The following OSBPL9 variants were observed in gnomAD, a reference collection of about 807,000 sequenced individuals.
OSBPL9 encodes oxysterol binding protein like 9, also known as oxysterol-binding protein-related protein 9.
Under a neutral mutation model 106.6 loss-of-function variants are expected in OSBPL9, and 40 were observed. That is an observed-to-expected ratio of 0.38 (90% CI 0.29 to 0.49). The LOEUF is 0.49. Among genes scored for constraint, OSBPL9 ranks in the 20% least tolerant of loss-of-function variants. The pLI, the probability that OSBPL9 is intolerant of heterozygous loss-of-function variation, is 0.97. For synonymous variants in OSBPL9, 269 were observed against 295.4 expected (o/e 0.91, Z 0.92); for missense variants, 609 against 887.2 (o/e 0.69, Z 3.98).
At chr1:51,595,205 G>C (rs1039548337) in intron 1 of OSBPL9, among the ~76,000 whole-genome samples, 1 of 152,158 alleles carries the variant, frequency 6.6e-6, no homozygotes, top group Non-Finnish European at 1.5e-5. Context: ...AGGTGTTAAG[G>C]GAGCGGCAGG....
chr1:51,746,614 G>A (rs1308412805), intron 5 of OSBPL9, 96 bp from the exon 6 acceptor site: 10 of 856,162 alleles, frequency 1.2e-5, no homozygotes, highest in Admixed American at 5.2e-5. Flanking sequence ...TGGACAAAAT[G>A]TGTTTAAGAA....
At chr1:51,594,135 G>A (rs1377295495) in intron 1 of OSBPL9, among the ~76,000 whole-genome samples, 2 of 152,068 alleles carry the variant, frequency 1.3e-5, no homozygotes, top group African/African-American at 4.8e-5. Flanking sequence ...AGTGGCTCAC[G>A]CCTGTAACCC....
chr1:51,616,003 GTTTTTTTTT>G (rs764823727), upstream of OSBPL9, among the ~76,000 whole-genome samples: 1,138 of 104,534 alleles, frequency 0.011, 15 homozygotes, highest in Middle Eastern at 0.024. Flanking sequence ...AAATCCTTTG[GTTTTTTTTT>G]TTTTTTTTTT....
chr1:51,775,469 G>C (rs1674840203), intron 14 of OSBPL9, among the ~76,000 whole-genome samples: 1 of 151,966 alleles, frequency 6.6e-6, no homozygotes, highest in African/African-American at 2.4e-5. Context: ...CCCAAACAGA[G>C]CATGATCTTT....
intron 6 of OSBPL9, 104 bp downstream of exon 6, chr1:51,746,861 G>T: frequency 1.1e-6 from 1 of 897,214 alleles, no homozygotes; most frequent in South Asian, 1.8e-5. Context: ...TAATATTATT[G>T]ACCTAGTGTA....
chr1:51,615,760 A>G (rs1014978018), upstream of OSBPL9, among the ~76,000 whole-genome samples: 17 of 152,154 alleles, frequency 1.1e-4, no homozygotes, highest in Non-Finnish European at 2.4e-4. Context: ...ATCTAAGTTT[A>G]AAGCCACTTC....
intron 1 of OSBPL9, among the ~76,000 whole-genome samples, chr1:51,621,165 A>C (rs1644407300): frequency 6.6e-6 from 1 of 152,160 alleles, no homozygotes; most frequent in Admixed American, 6.5e-5. Flanking sequence ...TCCTCTATTG[A>C]ATTATTTTTA....
intron 1 of OSBPL9, among the ~76,000 whole-genome samples, chr1:51,631,786 A>G (rs1382821465): frequency 6.6e-6 from 1 of 152,208 alleles, no homozygotes; most frequent in Non-Finnish European, 1.5e-5. Context: ...TTAAGCCTAG[A>G]AATAATTGCA....
At chr1:51,724,006 G>T (rs1662637408) in intron 4 of OSBPL9, among the ~76,000 whole-genome samples, 1 of 152,086 alleles carries the variant, frequency 6.6e-6, no homozygotes, top group Non-Finnish European at 1.5e-5. Flanking sequence ...CCATACAGTG[G>T]TGCCATCTGG....
At position 51,746,753 on chromosome 1, in the gene OSBPL9, G is replaced by A. The variant is rs145861886; in HGVS notation, c.458G>A (p.Arg153Lys). 1.2e-6 allele frequency: 2 copies of A among 1,605,920 alleles called. No individual in the cohort carries two copies. The highest frequency in any genetic ancestry group is 1.7e-6 in the Non-Finnish European group (2 of 1,176,932). ...CAAAACTGCAAAGAAGATGAACAGA[G>A]AAAGGTAACTTCCATAACCGTGCTT... ...KLQNCKEDEQ[R>K]KKIETLKETT... Residue 153 changes from arginine to lysine, a missense_variant, in exon 6 of 24, where the codon AGA becomes AAA. Coordinates refer to ENST00000428468, the MANE Select transcript of OSBPL9 (RefSeq NM_024586.6).
chr1:51,708,777 A>T (rs1659177854), intron 3 of OSBPL9, among the ~76,000 whole-genome samples: 1 of 152,188 alleles, frequency 6.6e-6, no homozygotes, highest in African/African-American at 2.4e-5. Context: ...GAAGTTAAAC[A>T]CTTAAAAAGC....
chr1:51,564,159 C>G, the OSBPL9 span, among the ~76,000 whole-genome samples: 1 of 152,042 alleles, frequency 6.6e-6, no homozygotes. Context: ...GGCTCCTTCC[C>G]TCTGCCCCCT....
At chr1:51,519,204 T>A in the OSBPL9 span, 1 of 1,422,014 alleles carries the variant, frequency 7.0e-7, no homozygotes, top group Non-Finnish European at 9.3e-7. Context: ...GTTACCTGTG[T>A]CAGAGAGAGC....
At chr1:51,767,848 A>G (rs532845924) in intron 12 of OSBPL9, among the ~76,000 whole-genome samples, 1 of 151,572 alleles carries the variant, frequency 6.6e-6, no homozygotes, top group East Asian at 1.9e-4. Flanking sequence ...GAAAATAAGC[A>G]TTTGGAAGAA....
the OSBPL9 span, among the ~76,000 whole-genome samples, chr1:51,540,481 C>A: frequency 1.3e-5 from 2 of 151,662 alleles, no homozygotes; most frequent in Admixed American, 1.3e-4. Context: ...ATTGTGAAAC[C>A]CCATCTCTAC....
At chr1:51,592,290 A>G (rs1277570733) in intron 1 of OSBPL9, among the ~76,000 whole-genome samples, 2 of 151,104 alleles carry the variant, frequency 1.3e-5, no homozygotes, top group Non-Finnish European at 3.0e-5. Context: ...AATTTTTTGT[A>G]TTTTTTAGTA....
At chr1:51,716,769 C>G (rs1661125913) in intron 4 of OSBPL9, among the ~76,000 whole-genome samples, 1 of 152,182 alleles carries the variant, frequency 6.6e-6, no homozygotes, top group Non-Finnish European at 1.5e-5. Context: ...ACGGAGCTGT[C>G]TTCCAAAGGG....
the OSBPL9 span, among the ~76,000 whole-genome samples, chr1:51,531,349 T>C: frequency 3.3e-3 from 504 of 152,198 alleles, 5 homozygotes; most frequent in African/African-American, 0.012. Context: ...AAACTGTAGA[T>C]CAACAAGGGC....
intron 4 of OSBPL9, among the ~76,000 whole-genome samples, chr1:51,731,456 G>GCAAAA (rs559132958): frequency 3.4e-3 from 523 of 151,858 alleles, no homozygotes; most frequent in Non-Finnish European, 5.6e-3. Flanking sequence ...CTGTCTCAAA[G>GCAAAA]CAAAACAAAA....
Sources: allele counts gnomAD v4.1 joint callset (sites outside exome capture counted in the v4.1 genomes callset), GRCh38; gene constraint gnomAD v4.1.1; transcripts MANE v1.5; gene names NCBI Gene and HGNC (gene_info 2026-07-23, HGNC 2026-07-21).